Variants in PEX5L observed in about 807,000 individuals in gnomAD.
The protein encoded by PEX5L is peroxisomal biogenesis factor 5 like.
In PEX5L, 30 loss-of-function variants were observed where a neutral mutation model predicts 84.0. That is an observed-to-expected ratio of 0.36 (90% CI 0.27 to 0.48). The LOEUF (loss-of-function observed/expected upper bound fraction) is 0.48, where lower values mean the gene tolerates loss of function less well. Ranked by LOEUF, PEX5L falls within the 20% of genes least tolerant of loss-of-function variation. PEX5L has a pLI of 0.99. For missense variants in PEX5L, 533 were observed against 754.6 expected, an observed-to-expected ratio of 0.71 and a Z score of 3.44; for synonymous variants, 270 against 283.1, an observed-to-expected ratio of 0.95 and a Z score of 0.46.
chr3:179,955,932 AG>A (rs1031753260), intron 2 of PEX5L, among the ~76,000 whole-genome samples: 8 of 152,144 alleles, frequency 5.3e-5, no homozygotes, highest in African/African-American at 1.7e-4. Context: ...ATTTTTCTAC[AG>A]GGGATTTAAT....
rs527815811 is a variant in PEX5L, at chr3:179,795,508, A to G, written c.*6320T>C. 1 of 152,342 alleles carries G rather than the reference A, an allele frequency of 6.6e-6. No individual in the cohort carries two copies. The highest frequency in any genetic ancestry group is 1.9e-4 in the East Asian group (1 of 5,192). The allele number at this position is 152,342 out of a possible 1,614,324, so 9.4% of individuals were successfully genotyped here. ...ACCCAACAGAGTTGTGCTATGATAC[A>G]TATTATTTCACTAAATCACTGATAC... On this transcript the variant is annotated 3_prime_UTR_variant, in exon 15 of 15. Coordinates refer to ENST00000467460, the MANE Select transcript of PEX5L (RefSeq NM_016559.3).
chr3:179,900,814 A>G lies in PEX5L; in HGVS notation c.94-2568T>C. 4.5e-6 allele frequency: 4 copies of G among 890,326 alleles called. 1 individual carries two copies. The Admixed American group carries it at 8.2e-5, about 18-fold the overall frequency. The allele number at this position is 890,326 out of a possible 1,614,324, so 55.2% of individuals were successfully genotyped here. A position where few individuals can be genotyped will look rare whatever the true frequency, so the allele number is the denominator to read the frequency against. ...TACAGCCTTTTTTGGCTTTTGCGAT[A>G]ATACCCCATGAGCGTCACTGTTTTA... On this transcript the variant is annotated intron_variant, in intron 2 of 14. Coordinates refer to ENST00000467460, the MANE Select transcript of PEX5L (RefSeq NM_016559.3).
intron 5 of PEX5L, among the ~76,000 whole-genome samples, chr3:179,877,242 A>C (rs890918474): frequency 6.6e-6 from 1 of 152,200 alleles, no homozygotes; most frequent in African/African-American, 2.4e-5. Flanking sequence ...CCAAGGCTGA[A>C]TAAGTTCATT....
At position 179,796,648 on chromosome 3, in the gene PEX5L, C is replaced by CTGT. The variant is rs1181082141; in HGVS notation, c.*5177_*5179dup. 1.3e-5 allele frequency: 2 copies of CTGT among 152,052 alleles called. No homozygotes were observed. The highest frequency in any genetic ancestry group is 2.9e-5 in the Non-Finnish European group (2 of 68,032). 9.4% of individuals were successfully genotyped at this position (152,052 alleles called of 1,614,324 possible). On this transcript the variant is annotated 3_prime_UTR_variant, in exon 15 of 15. Transcript: ENST00000467460. Reference sequence around the variant, plus strand: ...GGGGTATATGGAGTGAGTAACAAAGCTGTTACTAATGTAAGACCACATGGT... The same window carrying CTGT: ...GGGGTATATGGAGTGAGTAACAAAGCTGTTGTTACTAATGTAAGACCACATGGT...
rs549882113 is a variant in PEX5L at position 179,944,325 on chromosome 3, A to G, written c.93+27269T>C. ...AGAGACTTTTGCTCAACAAAAATCA[A>G]TAGACACTATGGTCCCCACTAGAAA... On this transcript the variant is annotated intron_variant, in intron 2 of 14. Transcript: ENST00000467460. 2.8e-4 allele frequency among the ~76,000 whole-genome samples: 43 copies of G among 152,198 alleles called. 1 individual carries two copies. Among genetic ancestry groups the G allele is most frequent in the Non-Finnish European group, 5.3e-4 (36 of 68,050 alleles).
chr3:179,981,920 T>C (rs925426264), intron 1 of PEX5L, among the ~76,000 whole-genome samples: 1 of 152,330 alleles, frequency 6.6e-6, no homozygotes, highest in African/African-American at 2.4e-5. Context: ...AGGAACTATT[T>C]ATGCAAATCT....
At chr3:179,957,938 C>CT (rs373364908) in intron 2 of PEX5L, among the ~76,000 whole-genome samples, 1 of 152,130 alleles carries the variant, frequency 6.6e-6, no homozygotes, top group African/African-American at 2.4e-5. Flanking sequence ...GGCATCTGCT[C>CT]TTTTTTGCAG....
At chr3:180,001,384 T>A (rs1579298535) in intron 1 of PEX5L, among the ~76,000 whole-genome samples, 2 of 148,386 alleles carry the variant, frequency 1.3e-5, no homozygotes, top group South Asian at 2.1e-4. Flanking sequence ...TATATATATA[T>A]CATATTAGTT....
chr3:179,845,138 T>C (rs1738823311), intron 8 of PEX5L, among the ~76,000 whole-genome samples: 2 of 152,250 alleles, frequency 1.3e-5, no homozygotes, highest in African/African-American at 4.8e-5. Flanking sequence ...ACCCCTTTTA[T>C]ATGGCTACTC....
In PEX5L at chr3:179,796,239, A is replaced by ATTG. The variant is rs34344928; in HGVS notation, c.*5586_*5588dup. ...TTATAGTTGAGCAAAGAACTGCCTA[A>ATTG]TTGTTGTTGTTGTTTCCATCTTAAT... On this transcript the variant is annotated 3_prime_UTR_variant, in exon 15 of 15. Coordinates refer to ENST00000467460, the MANE Select transcript of PEX5L (RefSeq NM_016559.3). 64,883 of 151,368 alleles carry ATTG rather than the reference A, an allele frequency of 0.43. 15,944 individuals carry two copies. The highest frequency in any genetic ancestry group is 0.7 in the East Asian group (3,574 of 5,102). The allele number at this position is 151,368 out of a possible 1,614,324, so 9.4% of individuals were successfully genotyped here.
intron 8 of PEX5L, among the ~76,000 whole-genome samples, chr3:179,835,724 A>G (rs903704193): frequency 1.3e-5 from 2 of 152,246 alleles, no homozygotes; most frequent in Non-Finnish European, 2.9e-5. Flanking sequence ...AATAAACGAT[A>G]AACATGCTCT....
intron 8 of PEX5L, among the ~76,000 whole-genome samples, chr3:179,828,261 G>T (rs937378607): frequency 1.2e-4 from 19 of 152,110 alleles, no homozygotes; most frequent in Non-Finnish European, 2.6e-4. Context: ...AATAGTTCCT[G>T]AATAAAATCT....
intron 11 of PEX5L, 70 bp from the exon 12 acceptor site, chr3:179,809,738 T>TG (rs1374968218): frequency 5.2e-6 from 6 of 1,149,778 alleles, no homozygotes; most frequent in African/African-American, 1.6e-5. Context: ...TCAGAAAATG[T>TG]GGGGGGTCTT....
intron 2 of PEX5L, among the ~76,000 whole-genome samples, chr3:179,935,753 G>C (rs759596268): frequency 4.6e-5 from 7 of 151,936 alleles, no homozygotes; most frequent in Admixed American, 3.9e-4. Context: ...AAGAGGTGGA[G>C]CCTGATGGGA....
chr3:179,994,169 C>A (rs1787639595), intron 1 of PEX5L, among the ~76,000 whole-genome samples: 3 of 152,182 alleles, frequency 2.0e-5, no homozygotes, highest in South Asian at 4.1e-4. Context: ...AACTGCCACC[C>A]AAGGAAAGCT....
chr3:179,976,549 T>C (rs1785813377), intron 1 of PEX5L, among the ~76,000 whole-genome samples: 1 of 152,184 alleles, frequency 6.6e-6, no homozygotes, highest in Non-Finnish European at 1.5e-5. Context: ...GCGATTCTCC[T>C]GCCTCAACCT....
intron 12 of PEX5L, 117 bp downstream of exon 12, chr3:179,809,354 C>T (rs1412229091): frequency 1.3e-6 from 1 of 762,892 alleles, no homozygotes; most frequent in East Asian, 2.5e-5. Context: ...GAATACTGTC[C>T]TGCAAACCAT....
intron 2 of PEX5L, among the ~76,000 whole-genome samples, chr3:179,930,327 T>A (rs1772704186): frequency 1.3e-5 from 2 of 152,228 alleles, no homozygotes; most frequent in African/African-American, 4.8e-5. Flanking sequence ...TTCAGCTTAA[T>A]CCTAGATTAG....
intron 1 of PEX5L, among the ~76,000 whole-genome samples, chr3:179,995,079 AG>A (rs1310302273): frequency 6.8e-6 from 1 of 147,972 alleles, no homozygotes; most frequent in Non-Finnish European, 1.5e-5. Flanking sequence ...TAGCATAGAG[AG>A]TATATATATA....
Sources: allele counts gnomAD v4.1 joint callset (sites outside exome capture counted in the v4.1 genomes callset), GRCh38; gene constraint gnomAD v4.1.1; transcripts MANE v1.5; gene names NCBI Gene and HGNC (gene_info 2026-07-23, HGNC 2026-07-21).